ANO9: variants seen among roughly 807,000 people sequenced by gnomAD.
The protein encoded by ANO9 is anoctamin-9.
In ANO9, 80 loss-of-function variants were observed where a neutral mutation model predicts 100.5. That is an observed-to-expected ratio of 0.80 (90% CI 0.66 to 0.96). The LOEUF is 0.96. ANO9 is among the 40% of genes least tolerant of loss of function. The pLI is 0.00. For synonymous variants in ANO9, 473 were observed against 435.6 expected, an observed-to-expected ratio of 1.09 and a Z score of -1.07; for missense variants, 1,064 against 1,072.7, an observed-to-expected ratio of 0.99 and a Z score of 0.11.
chr11:441,991 G>A lies in ANO9; in HGVS notation c.-65C>T, dbSNP rs1845921188. 1 of 1,578,346 alleles carries A rather than the reference G, an allele frequency of 6.3e-7. No homozygotes were observed. The highest frequency in any genetic ancestry group is 8.6e-7 in the Non-Finnish European group (1 of 1,169,228). ...AGGAGAGTGGCTGCCAGCGGCGGGTGCTCCTACCTGACTTCCGCGTGGGGC... is the reference window on the plus strand; with the variant it reads ...AGGAGAGTGGCTGCCAGCGGCGGGTACTCCTACCTGACTTCCGCGTGGGGC... On this transcript the variant is annotated 5_prime_UTR_variant, in exon 1 of 23. Coordinates refer to ENST00000332826, the MANE Select transcript of ANO9 (RefSeq NM_001012302.3).
At chr11:433,532 C>CG (rs1849200228) in intron 3 of ANO9, 73 bp from the exon 4 acceptor site, 2 of 1,577,172 alleles carry the variant, frequency 1.3e-6, no homozygotes, top group Non-Finnish European at 1.7e-6. Flanking sequence ...ACCCTCCCCC[C>CG]TCTATTCCAC....
In ANO9 at chr11:433,417, C is replaced by T. The variant is rs150163423; in HGVS notation, c.247G>A (p.Asp83Asn). 2,043 of 1,613,328 alleles carry T rather than the reference C, an allele frequency of 1.3e-3. 3 individuals are homozygous for T. The highest frequency in any genetic ancestry group is 1.6e-3 in the Non-Finnish European group (1,869 of 1,179,902). ...CGGTACAGGCCAAAGACACTGTTGTCAGCACGGATCCCAAAGAAGACCTGT... is the reference window on the plus strand; with the variant it reads ...CGGTACAGGCCAAAGACACTGTTGTTAGCACGGATCCCAAAGAAGACCTGT... ...QKQVFFGIRA[D>N]NSVFGLYRTL... Residue 83 changes from aspartate (D) to asparagine (N), a missense_variant, in exon 4 of 23, where the codon GAC becomes AAC. Transcript: ENST00000332826.
chr11:418,885 A>G lies in ANO9; in HGVS notation c.2036+3T>C. ...CATTCTTGGGGGATGGGGAGTTCCA[A>G]ACCTGCACAGAGTCACGTTTTCTGA... On this transcript the variant is annotated splice_donor_region_variant and intron_variant, in intron 21 of 22. Transcript: ENST00000332826. The G allele has an allele frequency of 6.2e-7, 1 of 1,613,646 alleles. No individual in the cohort carries two copies.
At chr11:420,274 C>G in intron 19 of ANO9, 189 bp downstream of exon 19, 3 of 1,431,846 alleles carry the variant, frequency 2.1e-6, no homozygotes, top group Non-Finnish European at 2.7e-6. Flanking sequence ...AGCGCTCGGC[C>G]CCGCCCACTC....
At chr11:429,117 G>C (rs1848715788) in intron 11 of ANO9, among the ~76,000 whole-genome samples, 1 of 131,394 alleles carries the variant, frequency 7.6e-6, no homozygotes. Flanking sequence ...ACAGACACAG[G>C]GACATGCCTC....
Position 418,810 on chromosome 11 carries a change from G to T in ANO9, c.2040C>A (p.Tyr680Ter). Residue 680 changes from tyrosine to a stop codon, truncating the protein, a stop_gained, in exon 22 of 23, where the codon TAC becomes TAA. Coordinates refer to ENST00000332826, the MANE Select transcript of ANO9 (RefSeq NM_001012302.3). LOFTEE classifies it high-confidence loss of function. ...EGSENVTLCRYRDYRNPPDYN... is the reference protein window; with the variant it reads ...EGSENVTLCR ...AATCGGGGGGATTGCGGTAGTCCCTGTATCTGGGGTAAGGAAGTACCTGAG... is the reference window on the plus strand; with the variant it reads ...AATCGGGGGGATTGCGGTAGTCCCTTTATCTGGGGTAAGGAAGTACCTGAG... 6.2e-7 allele frequency: 1 copy of T among 1,613,410 alleles called. No homozygotes were observed. Among genetic ancestry groups the T allele is most frequent in the Non-Finnish European group, 8.5e-7 (1 of 1,179,998 alleles).
chr11:420,097 C>G, intron 19 of ANO9: 1 of 1,313,480 alleles, frequency 7.6e-7, no homozygotes. Flanking sequence ...CCACATCCAG[C>G]GCCCCAGCTC....
rs1050402861 is a variant in ANO9, at chr11:434,047, G to T, written c.58C>A (p.Leu20Met). 3.2e-6 allele frequency: 5 copies of T among 1,550,948 alleles called. No individual in the cohort carries two copies. In the African/African-American group the frequency reaches 5.5e-5, roughly 17 times the overall value. Residue 20 changes from leucine (L) to methionine (M), a missense_variant, in exon 2 of 23, where the codon CTG becomes ATG. Transcript: ENST00000332826. ...LVEPEGDSFP[L>M]MEISTCETEA... ...ACCTCACAGGTGCTGATCTCCATCAGCGGGAAGCTGTCCCCTTCGGGCTCC... is the reference window on the plus strand; with the variant it reads ...ACCTCACAGGTGCTGATCTCCATCATCGGGAAGCTGTCCCCTTCGGGCTCC...
Position 432,890 on chromosome 11 carries a change from G to A in ANO9, c.350+424C>T. 5.8e-6 allele frequency: 1 copy of A among 171,492 alleles called. No individual in the cohort carries two copies. Among genetic ancestry groups the A allele is most frequent in the South Asian group, 1.7e-4 (1 of 5,994 alleles). 10.6% of individuals were successfully genotyped at this position (171,492 alleles called of 1,614,324 possible). A position where few individuals can be genotyped will look rare whatever the true frequency, so the allele number is the denominator to read the frequency against. On this transcript the variant is annotated intron_variant, in intron 4 of 22. Transcript: ENST00000332826. This position sits in a 1 kb window ranked among gnomAD's most constrained non-coding sequence, Gnocchi z 4.8. ...CAGGGCCTTAGGGAGCGAGGAGGGT[G>A]TCCCTGCTGGGCCTCTGGGTCTTTG...
At chr11:428,023 C>T in intron 15 of ANO9, 65 bp downstream of exon 15, 1 of 1,267,928 alleles carries the variant, frequency 7.9e-7, no homozygotes, top group Non-Finnish European at 1.1e-6. Flanking sequence ...TGGACATTGC[C>T]ACTTTAAAGG....
chr11:442,001 G>A lies in ANO9; in HGVS notation c.-75C>T. The A allele has an allele frequency of 1.3e-6, 2 of 1,568,918 alleles. No homozygotes were observed. Among genetic ancestry groups the A allele is most frequent in the Non-Finnish European group, 1.7e-6 (2 of 1,164,194 alleles). ...CTGCCAGCGGCGGGTGCTCCTACCT[G>A]ACTTCCGCGTGGGGCTCGCCCCTCC... On this transcript the variant is annotated 5_prime_UTR_variant, in exon 1 of 23. Coordinates refer to ENST00000332826, the MANE Select transcript of ANO9 (RefSeq NM_001012302.3).
intron 4 of ANO9, 35 bp downstream of exon 4, chr11:433,279 T>C (rs752609506): frequency 6.2e-7 from 1 of 1,601,926 alleles, no homozygotes; most frequent in East Asian, 2.2e-5. Flanking sequence ...TGGCAAGGGG[T>C]TCTCCTGGCC....
At position 422,884 on chromosome 11, in the gene ANO9, C is replaced by T. The variant is rs1002284994; in HGVS notation, c.1335-1686G>A. ...TTGCTCTGTCACCCAGGCTGGAGTG[C>T]AATGGCATGATCTTGGCTCACTACA... On this transcript the variant is annotated intron_variant, in intron 15 of 22. Transcript: ENST00000332826. This position sits in a 1 kb window ranked among gnomAD's most constrained non-coding sequence, Gnocchi z 4.3. Among the ~76,000 whole-genome samples the T allele has an allele frequency of 2.1e-4, 32 of 150,596 alleles. No homozygotes were observed. The highest frequency in any genetic ancestry group is 7.6e-4 in the African/African-American group (31 of 40,718).
chr11:438,768 C>G (rs1470236918), intron 1 of ANO9, among the ~76,000 whole-genome samples: 2 of 152,164 alleles, frequency 1.3e-5, no homozygotes, highest in African/African-American at 4.8e-5. Flanking sequence ...GCTGGACCAC[C>G]TGAAGTCACC....
intron 1 of ANO9, among the ~76,000 whole-genome samples, chr11:437,380 T>C (rs1845445133): frequency 6.6e-6 from 1 of 152,130 alleles, no homozygotes; most frequent in Non-Finnish European, 1.5e-5. Context: ...GAGCACCCAG[T>C]GCCACACTGC....
Position 433,170 on chromosome 11 carries a change from A to G in ANO9, c.350+144T>C, listed in dbSNP as rs1038037603. 3.5e-5 allele frequency: 41 copies of G among 1,160,206 alleles called. 1 individual carries two copies. The South Asian group carries it at 5.7e-4, about 16-fold the overall frequency. The allele number at this position is 1,160,206 out of a possible 1,614,324, so 71.9% of individuals were successfully genotyped here. On this transcript the variant is annotated intron_variant, in intron 4 of 22. Coordinates refer to ENST00000332826, the MANE Select transcript of ANO9 (RefSeq NM_001012302.3). ...GAGGCTCACACAGCCAGTGGGTCTCACACCTGTGGCCCCTGCCCTGAGACC... is the reference window on the plus strand; with the variant it reads ...GAGGCTCACACAGCCAGTGGGTCTCGCACCTGTGGCCCCTGCCCTGAGACC...
chr11:428,440 C>G, intron 13 of ANO9, 35 bp downstream of exon 13: 1 of 1,612,482 alleles, frequency 6.2e-7, no homozygotes, highest in Non-Finnish European at 8.5e-7. Context: ...TCCGGTGGAC[C>G]CCCCAGCTCG....
rs557053816 is a variant in ANO9 at position 441,820 on chromosome 11, G to A, written c.6+101C>T. On this transcript the variant is annotated intron_variant, in intron 1 of 22. Coordinates refer to ENST00000332826, the MANE Select transcript of ANO9 (RefSeq NM_001012302.3). ...AGGGACCCCCCCCACACACACAGGC[G>A]CCTTCCAGGTGGGGCTGGCGGGGGG... 241 of 1,504,958 alleles carry A rather than the reference G, an allele frequency of 1.6e-4. No homozygotes were observed. The African/African-American group carries it at 2.6e-3, about 16-fold the overall frequency. 93.2% of individuals were successfully genotyped at this position (1,504,958 alleles called of 1,614,324 possible). A position where few individuals can be genotyped will look rare whatever the true frequency, so the allele number is the denominator to read the frequency against.
chr11:430,312 C>A lies in ANO9; in HGVS notation c.631G>T (p.Val211Phe). Residue 211 changes from valine to phenylalanine, a missense_variant, in exon 8 of 23, where the codon GTC becomes TTC. Physicochemically the swap from Val to Phe is conservative, Grantham distance 50 (BLOSUM62 -1). Coordinates refer to ENST00000332826, the MANE Select transcript of ANO9 (RefSeq NM_001012302.3). Reference sequence around the variant, plus strand: ...AACAGCGAGAATCCGCTCAGAAAGACTAAGAGGCCCGTCAGGGCGGCCGGC... The same window carrying A: ...AACAGCGAGAATCCGCTCAGAAAGAATAAGAGGCCCGTCAGGGCGGCCGGC... ...LVPAALTGLL[V>F]FLSGFSLFEA... is the part of the protein sequence containing the mutation. 1 of 1,606,594 alleles carries A rather than the reference C, an allele frequency of 6.2e-7. No individual in the cohort carries two copies. Among genetic ancestry groups the A allele is most frequent in the Non-Finnish European group, 8.5e-7 (1 of 1,177,520 alleles).
Sources: gnomAD v4.1 joint callset for allele counts (sites outside exome capture counted in the v4.1 genomes callset) on GRCh38, gnomAD v4.1.1 for gene constraint, Gnocchi (gnomAD v3.1) non-coding constraint, MANE v1.5 for transcripts, NCBI Gene and HGNC (gene_info 2026-07-23, HGNC 2026-07-21) for gene names.